SLC25A21: variants seen among roughly 807,000 people sequenced by gnomAD.
SLC25A21 encodes the protein mitochondrial 2-oxodicarboxylate carrier.
SLC25A21 carries 47 observed loss-of-function variants against 43.8 expected under a neutral mutation model. That is an observed-to-expected ratio of 1.07 (90% CI 0.85 to 1.37). The LOEUF is 1.37. Among genes scored for constraint, SLC25A21 ranks in the 40% most tolerant of loss-of-function variants. SLC25A21 has a pLI of 0.00. For missense variants in SLC25A21, 352 were observed against 350.2 expected (o/e 1.00, Z -0.04); for synonymous variants, 131 against 121.3 (o/e 1.08, Z -0.52).
intron 1 of SLC25A21, among the ~76,000 whole-genome samples, chr14:36,933,532 G>C (rs2064905793): frequency 6.6e-6 from 1 of 152,244 alleles, no homozygotes; most frequent in African/African-American, 2.4e-5. Context: ...TCAAAATGTT[G>C]TTATAAAAGA....
intron 1 of SLC25A21, among the ~76,000 whole-genome samples, chr14:36,978,607 C>T (rs1344732284): frequency 1.3e-5 from 2 of 152,048 alleles, no homozygotes; most frequent in Non-Finnish European, 2.9e-5. Flanking sequence ...ATACTCCTGC[C>T]TCAAAATAGA....
chr14:36,683,716 TTCTG>T, intron 9 of SLC25A21, 108 bp downstream of exon 9: 1 of 681,800 alleles, frequency 1.5e-6, no homozygotes, highest in East Asian at 2.8e-5. Flanking sequence ...TTCTCAAGGT[TTCTG>T]TCTTTTACAA....
At chr14:37,148,953 C>G (rs572455526) in intron 1 of SLC25A21, among the ~76,000 whole-genome samples, 4 of 152,218 alleles carry the variant, frequency 2.6e-5, no homozygotes, top group South Asian at 4.1e-4. Context: ...TTTAAATATC[C>G]AAATTGAATG....
chr14:37,090,987 A>G (rs549247645), intron 1 of SLC25A21, among the ~76,000 whole-genome samples: 1 of 152,256 alleles, frequency 6.6e-6, no homozygotes, highest in South Asian at 2.1e-4. Context: ...ATATAATCTT[A>G]TTTTATGTGT....
chr14:36,748,159 A>G (rs1885570158), intron 3 of SLC25A21, among the ~76,000 whole-genome samples: 1 of 152,244 alleles, frequency 6.6e-6, no homozygotes, highest in Non-Finnish European at 1.5e-5. Flanking sequence ...TGAACACCGT[A>G]TGACTTCCAC....
intron 1 of SLC25A21, among the ~76,000 whole-genome samples, chr14:37,147,996 C>T (rs1307312315): frequency 1.3e-5 from 2 of 151,862 alleles, no homozygotes; most frequent in Non-Finnish European, 2.9e-5. Flanking sequence ...CACCACCACA[C>T]CTGGCTGATT....
intron 2 of SLC25A21, among the ~76,000 whole-genome samples, chr14:36,825,738 A>G (rs1033156310): frequency 2.0e-5 from 3 of 152,186 alleles, no homozygotes; most frequent in Non-Finnish European, 2.9e-5. Context: ...GTCATGGGAA[A>G]CCTAGGTTTC....
At chr14:36,719,258 A>G (rs912915799) in intron 6 of SLC25A21, among the ~76,000 whole-genome samples, 15 of 152,312 alleles carry the variant, frequency 9.8e-5, no homozygotes, top group African/African-American at 3.1e-4. Flanking sequence ...ACAGATAAAA[A>G]CCAATGCACC....
At chr14:36,832,384 G>T (rs1039190070) in intron 2 of SLC25A21, among the ~76,000 whole-genome samples, 34 of 152,060 alleles carry the variant, frequency 2.2e-4, no homozygotes, top group Admixed American at 6.5e-5. Flanking sequence ...TGGAAAGTTT[G>T]GGTCGTATGG....
Position 36,919,615 on chromosome 14 carries a change from C to A in SLC25A21, c.71-44611G>T, listed in dbSNP as rs543423278. 8.9e-3 allele frequency among the ~76,000 whole-genome samples: 365 copies of A among 41,026 alleles called. 5 individuals carry two copies. The highest frequency in any genetic ancestry group is 0.033 in the African/African-American group (346 of 10,612). 26.9% of individuals were successfully genotyped at this position (41,026 alleles called of 152,430 possible). ...AAAGACTTGAAAAATTCAAGATTAT[C>A]TATCTACCTATCTATCTATCTATCT... On this transcript the variant is annotated intron_variant, in intron 1 of 9. Transcript: ENST00000331299.
At chr14:36,930,532 G>A (rs113305584) in intron 1 of SLC25A21, among the ~76,000 whole-genome samples, 2,640 of 151,814 alleles carry the variant, frequency 0.017, 71 homozygotes, top group African/African-American at 0.059. Context: ...GCCTTATATC[G>A]ATCTGTAACT....
chr14:37,024,228 T>C (rs1406414013), intron 1 of SLC25A21, among the ~76,000 whole-genome samples: 1 of 152,122 alleles, frequency 6.6e-6, no homozygotes, highest in Non-Finnish European at 1.5e-5. Context: ...TCTCCTTGCA[T>C]TGTGTTATAA....
At chr14:36,998,503 G>A (rs532528461) in intron 1 of SLC25A21, among the ~76,000 whole-genome samples, 3 of 152,224 alleles carry the variant, frequency 2.0e-5, no homozygotes, top group Admixed American at 1.3e-4. Context: ...AAAGGGGCTG[G>A]TGCCACTAAA....
At chr14:37,097,892 A>C (rs527317337) in intron 1 of SLC25A21, 1 of 47,372 alleles carries the variant, frequency 2.1e-5, no homozygotes, top group Non-Finnish European at 1.2e-4. Flanking sequence ...TCAAAAAAAA[A>C]AAATAATAAT....
At chr14:37,104,103 C>G (rs1962868234) in intron 1 of SLC25A21, among the ~76,000 whole-genome samples, 1 of 152,150 alleles carries the variant, frequency 6.6e-6, no homozygotes, top group East Asian at 1.9e-4. Context: ...GAAATGGACA[C>G]CAATGGGAGT....
intron 2 of SLC25A21, among the ~76,000 whole-genome samples, chr14:36,848,235 T>C (rs146350886): frequency 1.2e-3 from 190 of 152,300 alleles, no homozygotes; most frequent in African/African-American, 4.4e-3. Context: ...GTGGAACCTA[T>C]TCATAAGGCA....
At chr14:36,988,882 C>A (rs1960203093) in intron 1 of SLC25A21, among the ~76,000 whole-genome samples, 1 of 152,152 alleles carries the variant, frequency 6.6e-6, no homozygotes, top group African/African-American at 2.4e-5. Flanking sequence ...CTGTCAGTTA[C>A]CTGCCAAACA....
intron 7 of SLC25A21, among the ~76,000 whole-genome samples, chr14:36,704,344 G>T (rs1883405986): frequency 6.6e-6 from 1 of 152,134 alleles, no homozygotes; most frequent in Admixed American, 6.6e-5. Context: ...CACTTTTAAA[G>T]AGATAATTTA....
chr14:36,683,930 G>GT (rs765186641), intron 8 of SLC25A21, 50 bp from the exon 9 acceptor site: 65 of 1,421,446 alleles, frequency 4.6e-5, no homozygotes, highest in Non-Finnish European at 6.3e-5. Context: ...AATAAATGGA[G>GT]TTGTACCTTA....
Sources: gnomAD v4.1 joint callset for allele counts (sites outside exome capture counted in the v4.1 genomes callset) on GRCh38, gnomAD v4.1.1 for gene constraint, MANE v1.5 for transcripts, NCBI Gene and HGNC (gene_info 2026-07-23, HGNC 2026-07-21) for gene names.